The following SGCZ variants were observed in gnomAD, a reference collection of about 807,000 sequenced individuals.
SGCZ encodes the protein zeta-sarcoglycan.
SGCZ carries 40 observed loss-of-function variants against 41.3 expected under a neutral mutation model. The observed-to-expected ratio is 0.97, with a 90% CI of 0.75 to 1.26. SGCZ has a LOEUF of 1.26. SGCZ is among the 50% of genes most tolerant of loss of function. The pLI, the probability that SGCZ is intolerant of heterozygous loss-of-function variation, is 0.00. For missense variants in SGCZ, 552 were observed against 369.8 expected (o/e 1.49, Z -4.04); for synonymous variants, 206 against 137.5 (o/e 1.50, Z -3.49).
chr8:14,794,506 C>G (rs1428651433), intron 1 of SGCZ, among the ~76,000 whole-genome samples: 1 of 151,952 alleles, frequency 6.6e-6, no homozygotes, highest in Non-Finnish European at 1.5e-5. Flanking sequence ...GAATGTACAA[C>G]AAATATCTGC....
Position 14,409,862 on chromosome 8 carries a change from C to G in SGCZ, c.235-85658G>C, listed in dbSNP as rs532175787. ...AAACAATTTCATTTACAAATATGAA[C>G]AGTTATTTATACACATAATAAATAT... On this transcript the variant is annotated intron_variant, in intron 2 of 7. Transcript: ENST00000382080. Among the ~76,000 whole-genome samples, 7 of 152,156 alleles carry G rather than the reference C, an allele frequency of 4.6e-5. No individual in the cohort carries two copies. The East Asian group carries it at 1.4e-3, about 29-fold the overall frequency.
Position 14,972,721 on chromosome 8 carries a change from C to T in SGCZ, c.39+264864G>A, listed in dbSNP as rs146458615. Among the ~76,000 whole-genome samples, 4 of 152,270 alleles carry T rather than the reference C, an allele frequency of 2.6e-5. No homozygotes were observed. In the East Asian group the frequency reaches 7.7e-4, roughly 29 times the overall value. ...TTATTCATCTTTAACTTACCACCAT[C>T]TACCTTCAAGAGATATACCACTTCA... On this transcript the variant is annotated intron_variant, in intron 1 of 7. Transcript: ENST00000382080.
chr8:15,105,744 T>C (rs1206873699), intron 1 of SGCZ, among the ~76,000 whole-genome samples: 1 of 152,162 alleles, frequency 6.6e-6, no homozygotes, highest in African/African-American at 2.4e-5. Flanking sequence ...GTTTGTAGGA[T>C]TATGATGCAT....
intron 2 of SGCZ, among the ~76,000 whole-genome samples, chr8:14,479,035 G>C (rs1209138089): frequency 6.6e-6 from 1 of 152,302 alleles, no homozygotes; most frequent in South Asian, 2.1e-4. Flanking sequence ...TCTCCAGCGG[G>C]ACAGGATTAA....
chr8:14,890,480 T>C (rs2130741154), intron 1 of SGCZ, among the ~76,000 whole-genome samples: 1 of 152,274 alleles, frequency 6.6e-6, no homozygotes, highest in Non-Finnish European at 1.5e-5. Flanking sequence ...GCCCTGACTC[T>C]GCAATTCTAT....
intron 1 of SGCZ, among the ~76,000 whole-genome samples, chr8:14,709,319 C>G (rs1399452153): frequency 6.6e-6 from 1 of 152,064 alleles, no homozygotes; most frequent in African/African-American, 2.4e-5. Context: ...TCCCTCCAAC[C>G]CAGAGAAAGC....
At chr8:14,136,393 T>C (rs1003651945) in intron 5 of SGCZ, among the ~76,000 whole-genome samples, 1 of 152,156 alleles carries the variant, frequency 6.6e-6, no homozygotes, top group East Asian at 1.9e-4. Context: ...TTCCCTTTCC[T>C]AGCCAAGGGA....
intron 1 of SGCZ, among the ~76,000 whole-genome samples, chr8:15,124,101 T>C (rs1397872219): frequency 6.6e-6 from 1 of 152,208 alleles, no homozygotes; most frequent in Non-Finnish European, 1.5e-5. Flanking sequence ...TATTTTAGAA[T>C]GACAACTCCG....
At chr8:14,558,735 T>C (rs570198418) in intron 1 of SGCZ, among the ~76,000 whole-genome samples, 1 of 152,092 alleles carries the variant, frequency 6.6e-6, no homozygotes, top group South Asian at 2.1e-4. Flanking sequence ...GTTAAAATCC[T>C]TAACAAAATA....
intron 1 of SGCZ, among the ~76,000 whole-genome samples, chr8:15,133,371 A>T (rs1458243560): frequency 1.3e-5 from 2 of 152,190 alleles, no homozygotes; most frequent in Non-Finnish European, 2.9e-5. Context: ...AACATCAGTG[A>T]AGCTAGCAAG....
At chr8:14,462,960 A>G in intron 2 of SGCZ, among the ~76,000 whole-genome samples, 1 of 151,642 alleles carries the variant, frequency 6.6e-6, no homozygotes, top group Non-Finnish European at 1.5e-5. Context: ...TGTAAACTTA[A>G]TTGCTTTTGT....
At chr8:14,778,706 C>A (rs1329731997) in intron 1 of SGCZ, among the ~76,000 whole-genome samples, 1 of 152,114 alleles carries the variant, frequency 6.6e-6, no homozygotes, top group African/African-American at 2.4e-5. Flanking sequence ...CCCATATGGG[C>A]AGTAAACATT....
At chr8:14,772,933 G>C (rs1445861409) in intron 1 of SGCZ, among the ~76,000 whole-genome samples, 2 of 151,990 alleles carry the variant, frequency 1.3e-5, no homozygotes, top group African/African-American at 4.8e-5. Flanking sequence ...AGTCCTTTGG[G>C]TATATACCCA....
intron 4 of SGCZ, among the ~76,000 whole-genome samples, chr8:14,234,169 T>C (rs1806673592): frequency 6.6e-6 from 1 of 152,106 alleles, no homozygotes; most frequent in South Asian, 2.1e-4. Context: ...AATATTTAGA[T>C]TTAGTTTTTG....
intron 3 of SGCZ, among the ~76,000 whole-genome samples, chr8:14,245,054 CT>C (rs569876834): frequency 1.4e-4 from 22 of 152,188 alleles, no homozygotes; most frequent in Non-Finnish European, 2.9e-4. Flanking sequence ...GACAATTTGA[CT>C]TCCTCTTTTC....
intron 1 of SGCZ, among the ~76,000 whole-genome samples, chr8:14,599,183 T>C (rs966943201): frequency 6.6e-6 from 1 of 152,176 alleles, no homozygotes; most frequent in Non-Finnish European, 1.5e-5. Flanking sequence ...TCTCTTAAAC[T>C]ACTACTCAGA....
At chr8:15,141,845 G>C (rs1341778657) in intron 1 of SGCZ, among the ~76,000 whole-genome samples, 1 of 151,176 alleles carries the variant, frequency 6.6e-6, no homozygotes, top group Non-Finnish European at 1.5e-5. Context: ...AGATTGCAGT[G>C]AGCCAAGATC....
chr8:15,088,985 G>C (rs372056744), intron 1 of SGCZ, among the ~76,000 whole-genome samples: 1 of 152,104 alleles, frequency 6.6e-6, no homozygotes, highest in African/African-American at 2.4e-5. Context: ...GTTCATAACA[G>C]TAAACACCAT....
chr8:15,064,706 T>A (rs142680498), intron 1 of SGCZ, among the ~76,000 whole-genome samples: 1 of 152,250 alleles, frequency 6.6e-6, no homozygotes, highest in Admixed American at 6.5e-5. Context: ...CACACATTGT[T>A]ACATTTCTTC....
Sources: gnomAD v4.1 joint callset for allele counts (sites outside exome capture counted in the v4.1 genomes callset) on GRCh38, gnomAD v4.1.1 for gene constraint, MANE v1.5 for transcripts, NCBI Gene and HGNC (gene_info 2026-07-23, HGNC 2026-07-21) for gene names.